The following ARHGAP44 variants were observed in gnomAD, a reference collection of about 807,000 sequenced individuals.
The protein encoded by ARHGAP44 is Rho GTPase activating protein 44.
In ARHGAP44, 43 loss-of-function variants were observed where a neutral mutation model predicts 106.8. That is an observed-to-expected ratio of 0.40 (90% CI 0.32 to 0.52). The LOEUF (loss-of-function observed/expected upper bound fraction) is 0.52, where lower values mean the gene tolerates loss of function less well. Among genes scored for constraint, ARHGAP44 ranks in the 20% least tolerant of loss-of-function variants. The probability of loss-of-function intolerance (pLI) is 0.48; values close to 1 mark genes in which losing one functional copy is unlikely to be tolerated. For missense variants in ARHGAP44, 866 were observed against 1,050.5 expected (o/e 0.82, Z 2.43); for synonymous variants, 439 against 410.3 (o/e 1.07, Z -0.85).
At chr17:12,863,764 C>T (rs1158710574) in intron 1 of ARHGAP44, among the ~76,000 whole-genome samples, 1 of 152,180 alleles carries the variant, frequency 6.6e-6, no homozygotes, top group Non-Finnish European at 1.5e-5. Flanking sequence ...TCCAACATAC[C>T]ACCTCCAAAC....
intron 3 of ARHGAP44, among the ~76,000 whole-genome samples, chr17:12,906,683 C>T (rs1347989280): frequency 6.6e-6 from 1 of 152,010 alleles, no homozygotes; most frequent in Non-Finnish European, 1.5e-5. Context: ...ACCTGCAATC[C>T]CAGCACTTTG....
At chr17:12,951,985 CA>C (rs1380536045) in intron 12 of ARHGAP44, among the ~76,000 whole-genome samples, 18 of 152,146 alleles carry the variant, frequency 1.2e-4, no homozygotes, top group African/African-American at 4.3e-4. Context: ...GCCAACTCAG[CA>C]GGACACAGAC....
intron 1 of ARHGAP44, among the ~76,000 whole-genome samples, chr17:12,810,140 A>C (rs796640409): frequency 6.6e-5 from 10 of 152,324 alleles, no homozygotes; most frequent in African/African-American, 2.2e-4. Flanking sequence ...GCTCCCATTT[A>C]GCTTAGAGTG....
At chr17:12,980,709 C>T (rs2039809437) in intron 19 of ARHGAP44, among the ~76,000 whole-genome samples, 1 of 152,172 alleles carries the variant, frequency 6.6e-6, no homozygotes, top group Non-Finnish European at 1.5e-5. Context: ...CCAAGAATGG[C>T]CACACTGACC....
intron 1 of ARHGAP44, among the ~76,000 whole-genome samples, chr17:12,854,958 CA>C (rs1182512832): frequency 0.068 from 3,443 of 50,854 alleles, 69 homozygotes; most frequent in African/African-American, 0.16. Context: ...AACTCTGTCT[CA>C]AAAAAAAAAA....
Position 12,984,854 on chromosome 17 carries a change from T to G in ARHGAP44, c.2263T>G (p.Ser755Ala), listed in dbSNP as rs1396275829. Residue 755 changes from serine (S) to alanine (A), a missense_variant, in exon 20 of 21, where the codon TCC (serine) becomes GCC (alanine). Around this residue, in one of 2 missense-constraint regions of ARHGAP44, gnomAD observed 418 missense variants for 403.6 expected, o/e 1.04. Coordinates refer to ENST00000379672, the MANE Select transcript of ARHGAP44 (RefSeq NM_014859.6). ...AAACCTCTCGGCCTCTAGTCCACAGTCCACGGAGGCCCCCATGCTAGATGG... is the reference window on the plus strand; with the variant it reads ...AAACCTCTCGGCCTCTAGTCCACAGGCCACGGAGGCCCCCATGCTAGATGG... ...TVNLSASSPQSTEAPMLDGMS... is the reference protein window; with the variant it reads ...TVNLSASSPQATEAPMLDGMS... 6.2e-7 allele frequency: 1 copy of G among 1,613,914 alleles called. No homozygotes were observed. Among genetic ancestry groups the G allele is most frequent in the Admixed American group, 1.7e-5 (1 of 60,022 alleles).
intron 1 of ARHGAP44, among the ~76,000 whole-genome samples, chr17:12,861,557 A>C (rs1248378064): frequency 6.6e-6 from 1 of 151,334 alleles, no homozygotes; most frequent in Non-Finnish European, 1.5e-5. Context: ...AGCCAGTAGC[A>C]CTGGGTTGTG....
At chr17:12,983,571 G>A (rs894454551) in intron 19 of ARHGAP44, among the ~76,000 whole-genome samples, 9 of 152,164 alleles carry the variant, frequency 5.9e-5, no homozygotes, top group African/African-American at 1.9e-4. Flanking sequence ...TTGGGAGGCC[G>A]AGGCGGGCGG....
intron 5 of ARHGAP44, 66 bp downstream of exon 5, chr17:12,916,077 A>T: frequency 7.7e-7 from 1 of 1,302,734 alleles, no homozygotes; most frequent in East Asian, 2.3e-5. Flanking sequence ...CCCCTCAATC[A>T]TTCTGTTTCC....
chr17:12,835,632 TA>T (rs552144897), intron 1 of ARHGAP44, among the ~76,000 whole-genome samples: 65 of 152,196 alleles, frequency 4.3e-4, no homozygotes, highest in African/African-American at 1.4e-3. Context: ...TTTATTTAAT[TA>T]AAAAAAATTG....
chr17:12,945,884 TC>T (rs2038838349), intron 10 of ARHGAP44, among the ~76,000 whole-genome samples: 1 of 152,218 alleles, frequency 6.6e-6, no homozygotes, highest in East Asian at 1.9e-4. Flanking sequence ...CCTTCCAGGT[TC>T]AAGCGATTCT....
chr17:12,923,950 C>G (rs1246559451), intron 6 of ARHGAP44, among the ~76,000 whole-genome samples: 1 of 152,208 alleles, frequency 6.6e-6, no homozygotes, highest in African/African-American at 2.4e-5. Context: ...CCCCCTACCC[C>G]CTGCATTTCT....
At chr17:12,934,496 A>G (rs1279366376) in intron 7 of ARHGAP44, among the ~76,000 whole-genome samples, 5 of 152,180 alleles carry the variant, frequency 3.3e-5, no homozygotes, top group Admixed American at 1.3e-4. Flanking sequence ...AGGCTGTGGA[A>G]TGGTTGGGAA....
chr17:12,936,009 T>A (rs886523165), intron 7 of ARHGAP44, among the ~76,000 whole-genome samples: 1 of 152,230 alleles, frequency 6.6e-6, no homozygotes, highest in Non-Finnish European at 1.5e-5. Context: ...TTGAAATGAT[T>A]TTTTAAACAA....
At chr17:12,811,759 G>A (rs1037667356) in intron 1 of ARHGAP44, among the ~76,000 whole-genome samples, 1 of 152,078 alleles carries the variant, frequency 6.6e-6, no homozygotes. Context: ...TTTAGTTTCC[G>A]GTGTCAGCAG....
chr17:12,984,950 T>C lies in ARHGAP44; in HGVS notation c.2317+42T>C, dbSNP rs759098421. ...CTCCCTCACTTTTTTTTATGAACTT[T>C]AGTGAAATGTGCCTAGGGGAGGGAT... is the stretch of plus-strand genomic sequence containing the variant. On this transcript the variant is annotated intron_variant, in intron 20 of 20. Transcript: ENST00000379672. 14 of 1,560,578 alleles carry C rather than the reference T, an allele frequency of 9.0e-6. No individual in the cohort carries two copies. In the Admixed American group the frequency reaches 1.7e-4, roughly 19 times the overall value.
chr17:12,922,961 A>G (rs1459696575), intron 6 of ARHGAP44, among the ~76,000 whole-genome samples: 2 of 152,150 alleles, frequency 1.3e-5, no homozygotes, highest in African/African-American at 4.8e-5. Flanking sequence ...ATGTTTTTAT[A>G]TCTTCAGCTT....
intron 1 of ARHGAP44, among the ~76,000 whole-genome samples, chr17:12,818,346 A>C (rs560681120): frequency 1.1e-4 from 17 of 149,432 alleles, no homozygotes; most frequent in Admixed American, 4.6e-4. Context: ...AAAAAAAAAA[A>C]AAAAAAACAA....
chr17:12,937,757 C>G (rs1487536599), intron 7 of ARHGAP44, among the ~76,000 whole-genome samples: 1 of 152,112 alleles, frequency 6.6e-6, no homozygotes, highest in Non-Finnish European at 1.5e-5. Context: ...ATTTAAAAGA[C>G]CAGTATTTAT....
Sources: allele counts gnomAD v4.1 joint callset (sites outside exome capture counted in the v4.1 genomes callset), GRCh38; gene constraint gnomAD v4.1.1; regional missense constraint gnomAD v4.1.1; transcripts MANE v1.5; gene names NCBI Gene and HGNC (gene_info 2026-07-23, HGNC 2026-07-21).